The following NEGR1 variants were observed in gnomAD, a reference collection of about 807,000 sequenced individuals.
NEGR1 encodes IgLON family member 4.
Under a neutral mutation model 40.9 loss-of-function variants are expected in NEGR1, and 10 were observed. The observed-to-expected ratio is 0.24, with a 90% CI of 0.15 to 0.42. NEGR1 has a LOEUF of 0.42. Among genes scored for constraint, NEGR1 ranks in the 10% least tolerant of loss-of-function variants. The probability of loss-of-function intolerance (pLI) is 1.00; values close to 1 mark genes in which losing one functional copy is unlikely to be tolerated. For missense variants in NEGR1, 352 were observed against 438.9 expected (o/e 0.80, Z 1.77); for synonymous variants, 185 against 166.8 (o/e 1.11, Z -0.84).
In NEGR1 at chr1:72,174,954, TTTTTA is replaced by T. The variant is rs565220769; in HGVS notation, c.176+107360_176+107364del. ...TATCTATAATGTGTATGATATTTTC[TTTTTA>T]TTTTATTTTATTTTATTATTATTAT... On this transcript the variant is annotated intron_variant, in intron 1 of 6. Coordinates refer to ENST00000357731, the MANE Select transcript of NEGR1 (RefSeq NM_173808.3). 2.0e-3 allele frequency among the ~76,000 whole-genome samples: 301 copies of T among 152,016 alleles called. 2 individuals are homozygous for T. Among genetic ancestry groups the T allele is most frequent in the African/African-American group, 6.2e-3 (258 of 41,510 alleles).
chr1:71,468,888 A>G (rs1369386900), intron 6 of NEGR1: 1 of 152,048 alleles, frequency 6.6e-6, no homozygotes, highest in Non-Finnish European at 1.5e-5. Context: ...TTGCTTGAAC[A>G]TTGAACGTGA....
chr1:71,803,417 T>C (rs72678963), intron 2 of NEGR1, among the ~76,000 whole-genome samples: 9,754 of 152,202 alleles, frequency 0.064, 351 homozygotes, highest in Non-Finnish European at 0.081. Context: ...AGCAGAATAA[T>C]ATACCATCAC....
intron 1 of NEGR1, among the ~76,000 whole-genome samples, chr1:72,229,689 T>A (rs1401257408): frequency 1.3e-5 from 2 of 151,740 alleles, no homozygotes; most frequent in Non-Finnish European, 2.9e-5. Context: ...TATAAAGAGA[T>A]CTAATGAACA....
chr1:71,687,713 T>C (rs578056438), intron 4 of NEGR1, among the ~76,000 whole-genome samples: 1 of 152,362 alleles, frequency 6.6e-6, no homozygotes, highest in Admixed American at 6.5e-5. Flanking sequence ...TTTCTTTTCA[T>C]ACACAGTGAT....
intron 4 of NEGR1, among the ~76,000 whole-genome samples, chr1:71,624,394 C>T (rs1025168540): frequency 4.0e-5 from 6 of 151,896 alleles, no homozygotes; most frequent in African/African-American, 1.5e-4. Flanking sequence ...AGCACAGTGG[C>T]CATAGTGTTT....
intron 4 of NEGR1, among the ~76,000 whole-genome samples, chr1:71,634,061 C>T (rs772874915): frequency 6.6e-6 from 1 of 151,978 alleles, no homozygotes; most frequent in Non-Finnish European, 1.5e-5. Flanking sequence ...TATAGGCACA[C>T]CATGTGGATT....
intron 2 of NEGR1, among the ~76,000 whole-genome samples, chr1:71,779,262 T>G (rs1570335607): frequency 6.6e-6 from 1 of 152,216 alleles, no homozygotes; most frequent in African/African-American, 2.4e-5. Context: ...CTTCCAACTT[T>G]TACTGACTAT....
chr1:72,259,091 C>T (rs1194262), intron 1 of NEGR1, among the ~76,000 whole-genome samples: 321 of 152,242 alleles, frequency 2.1e-3, no homozygotes, highest in African/African-American at 7.4e-3. Context: ...ATCATGTGAT[C>T]TGAACTATGA....
intron 2 of NEGR1, among the ~76,000 whole-genome samples, chr1:71,834,457 C>A (rs574211901): frequency 9.3e-5 from 14 of 151,176 alleles, no homozygotes; most frequent in Non-Finnish European, 2.1e-4. Context: ...CCCACCCCCA[C>A]CCCCTGCCAA....
At chr1:72,145,988 C>G (rs1650892663) in intron 1 of NEGR1, among the ~76,000 whole-genome samples, 1 of 137,368 alleles carries the variant, frequency 7.3e-6, no homozygotes, top group African/African-American at 2.8e-5. Context: ...GCAGCATTCT[C>G]AGAGTTTCCT....
At chr1:71,488,443 C>T (rs1047380811) in intron 6 of NEGR1, among the ~76,000 whole-genome samples, 20 of 151,746 alleles carry the variant, frequency 1.3e-4, no homozygotes, top group African/African-American at 4.6e-4. Flanking sequence ...GCAGTTTCTG[C>T]AATTTGACTC....
chr1:71,478,195 TG>T (rs1354799741), intron 6 of NEGR1, among the ~76,000 whole-genome samples: 1 of 152,086 alleles, frequency 6.6e-6, no homozygotes, highest in Non-Finnish European at 1.5e-5. Flanking sequence ...TGTACACATG[TG>T]TATCGAATAA....
chr1:72,180,903 T>C (rs1652342767), intron 1 of NEGR1, among the ~76,000 whole-genome samples: 1 of 151,562 alleles, frequency 6.6e-6, no homozygotes. Context: ...TAGTTTGGGA[T>C]TTTTTTTTCT....
In NEGR1 at chr1:71,878,356, G is replaced by A. The variant is rs556773849; in HGVS notation, c.409+56723C>T. On this transcript the variant is annotated intron_variant, in intron 2 of 6. Coordinates refer to ENST00000357731, the MANE Select transcript of NEGR1 (RefSeq NM_173808.3). ...TTAATTAGAATCACCTGAAGGGCCT[G>A]TTAAAACAGAATGCTGGGCCCCACC... Among the ~76,000 whole-genome samples the A allele has an allele frequency of 2.0e-5, 3 of 152,242 alleles. No homozygotes were observed. In the East Asian group the frequency reaches 5.8e-4, roughly 29 times the overall value.
At chr1:71,463,537 AG>A (rs1170482159) in intron 6 of NEGR1, 5 of 152,204 alleles carry the variant, frequency 3.3e-5, no homozygotes, top group African/African-American at 1.2e-4. Context: ...TAAGGAAACA[AG>A]AAGCAGTGCC....
In NEGR1 at chr1:72,040,357, A is replaced by G. The variant is rs1039449317; in HGVS notation, c.177-105046T>C. On this transcript the variant is annotated intron_variant, in intron 1 of 6. Transcript: ENST00000357731. ...GCATCACAGTAGCTTGGAGTCACAT[A>G]GAATGAACCATTCTACAGTATTATT... Among the ~76,000 whole-genome samples, 9 of 151,998 alleles carry G rather than the reference A, an allele frequency of 5.9e-5. 1 individual carries two copies. Among genetic ancestry groups the G allele is most frequent in the South Asian group, 4.1e-4 (2 of 4,824 alleles).
chr1:71,790,716 T>C (rs558902909), intron 2 of NEGR1, among the ~76,000 whole-genome samples: 5 of 152,220 alleles, frequency 3.3e-5, no homozygotes, highest in Non-Finnish European at 7.4e-5. Flanking sequence ...CCAGAGACTA[T>C]GGAAGACCAG....
chr1:72,188,048 A>T (rs781725432), intron 1 of NEGR1, among the ~76,000 whole-genome samples: 1 of 151,532 alleles, frequency 6.6e-6, no homozygotes, highest in Non-Finnish European at 1.5e-5. Flanking sequence ...AAGGATTAGA[A>T]TAGTTTTGGT....
At chr1:72,008,060 T>A (rs1646623825) in intron 1 of NEGR1, among the ~76,000 whole-genome samples, 1 of 152,172 alleles carries the variant, frequency 6.6e-6, no homozygotes, top group Non-Finnish European at 1.5e-5. Context: ...TGGAGATTTT[T>A]TTTTCTCCCT....
Sources: gnomAD v4.1 joint callset for allele counts (sites outside exome capture counted in the v4.1 genomes callset) on GRCh38, gnomAD v4.1.1 for gene constraint, MANE v1.5 for transcripts, NCBI Gene and HGNC (gene_info 2026-07-23, HGNC 2026-07-21) for gene names.